The following KCNQ1 variants were observed in gnomAD, a reference collection of about 807,000 sequenced individuals.
KCNQ1 encodes the protein potassium voltage-gated channel subfamily Q member 1.
Under a neutral mutation model 72.4 loss-of-function variants are expected in KCNQ1, and 49 were observed. The ratio of observed to expected loss-of-function variants is 0.68; its 90% confidence interval spans 0.54 to 0.86. KCNQ1 has a LOEUF of 0.86. Ranked by LOEUF, KCNQ1 falls within the 40% of genes least tolerant of loss-of-function variation. KCNQ1 has a pLI of 0.00. For synonymous variants in KCNQ1, 450 were observed against 412.6 expected (o/e 1.09, Z -1.10); for missense variants, 790 against 945.1 (o/e 0.84, Z 2.15).
At chr11:2,597,262 CTG>C (rs1278875515) in intron 10 of KCNQ1, among the ~76,000 whole-genome samples, 1 of 152,178 alleles carries the variant, frequency 6.6e-6, no homozygotes, top group African/African-American at 2.4e-5. Context: ...ATACAAACCT[CTG>C]TGGAGATAAA....
intron 11 of KCNQ1, among the ~76,000 whole-genome samples, chr11:2,726,467 GA>G (rs1845765911): frequency 1.3e-5 from 2 of 151,888 alleles, no homozygotes; most frequent in African/African-American, 2.4e-5. Flanking sequence ...TCAGAGTGGG[GA>G]AACTGAGGCC....
chr11:2,623,637 C>G lies in KCNQ1; in HGVS notation c.1393+34783C>G, dbSNP rs1849211749. On this transcript the variant is annotated intron_variant, in intron 10 of 15. Coordinates refer to ENST00000155840, the MANE Select transcript of KCNQ1 (RefSeq NM_000218.3). This position sits in a 1 kb window ranked among gnomAD's most constrained non-coding sequence, Gnocchi z 5.2. Reference sequence around the variant, plus strand: ...TTAGTGATGAATAATATTTCATTGCCTGGATGTACTACAGTTTATCTGTCT... The same window carrying G: ...TTAGTGATGAATAATATTTCATTGCGTGGATGTACTACAGTTTATCTGTCT... 1 of 398,368 alleles carries G rather than the reference C, an allele frequency of 2.5e-6. No individual in the cohort carries two copies. 24.7% of individuals were successfully genotyped at this position (398,368 alleles called of 1,614,324 possible). A position where few individuals can be genotyped will look rare whatever the true frequency, so the allele number is the denominator to read the frequency against.
intron 11 of KCNQ1, among the ~76,000 whole-genome samples, chr11:2,747,112 C>T (rs1846153557): frequency 6.6e-6 from 1 of 152,164 alleles, no homozygotes; most frequent in Non-Finnish European, 1.5e-5. Context: ...CCAGCCTGGC[C>T]CATGGTGGAA....
Position 2,471,793 on chromosome 11 carries a change from C to G in KCNQ1, c.386+26309C>G, listed in dbSNP as rs1846470970. On this transcript the variant is annotated intron_variant, in intron 1 of 15. Transcript: ENST00000155840. This position sits in a 1 kb window ranked among gnomAD's most constrained non-coding sequence, Gnocchi z 4.8. ...GTGTGTGCATGTGATTGGGTGTGTG[C>G]ATGTGTATATAGGTGTGTGTGCACG... Among the ~76,000 whole-genome samples, 1 of 150,218 alleles carries G rather than the reference C, an allele frequency of 6.7e-6. No homozygotes were observed. The highest frequency in any genetic ancestry group is 1.5e-5 in the Non-Finnish European group (1 of 67,660).
In KCNQ1 at chr11:2,720,454, C is replaced by A. The variant is rs922165975; in HGVS notation, c.1515-48390C>A. On this transcript the variant is annotated intron_variant, in intron 11 of 15. Transcript: ENST00000155840. The surrounding 1 kb of genome is among the most constrained non-coding windows in gnomAD (Gnocchi z 5.1). Reference sequence around the variant, plus strand: ...GAGGAAGCTGCTGGCCTCAAGAAGGCCTCTCGAAGCAGAGGCAGCCCCCTC... The same window carrying A: ...GAGGAAGCTGCTGGCCTCAAGAAGGACTCTCGAAGCAGAGGCAGCCCCCTC... Among the ~76,000 whole-genome samples the A allele has an allele frequency of 6.6e-6, 1 of 152,128 alleles. No individual in the cohort carries two copies. Among genetic ancestry groups the A allele is most frequent in the African/African-American group, 2.4e-5 (1 of 41,434 alleles).
chr11:2,553,329 G>T (rs1170922199), intron 2 of KCNQ1, among the ~76,000 whole-genome samples: 1 of 152,136 alleles, frequency 6.6e-6, no homozygotes, highest in Non-Finnish European at 1.5e-5. Context: ...GGAGAGGGCT[G>T]CTATCCTTAT....
intron 1 of KCNQ1, among the ~76,000 whole-genome samples, chr11:2,503,620 A>G (rs548022714): frequency 5.3e-5 from 8 of 152,208 alleles, no homozygotes; most frequent in African/African-American, 1.4e-4. Flanking sequence ...CAGCACACCA[A>G]CATGGCACAT....
In KCNQ1 at chr11:2,660,722, C is replaced by G. The variant is rs1849937942; in HGVS notation, c.1394-1239C>G. 3 of 398,614 alleles carry G rather than the reference C, an allele frequency of 7.5e-6. No homozygotes were observed. The East Asian group carries it at 1.1e-4, about 14-fold the overall frequency. The allele number at this position is 398,614 out of a possible 1,614,324, so 24.7% of individuals were successfully genotyped here. On this transcript the variant is annotated intron_variant, in intron 10 of 15. Transcript: ENST00000155840. ...TGACAACCTTCATTCGGGCTTCATT[C>G]AACACTTCATTCAGGCATGGATGTG...
chr11:2,675,290 A>C (rs1028962483), intron 11 of KCNQ1: 1 of 398,538 alleles, frequency 2.5e-6, no homozygotes, highest in African/African-American at 2.1e-5. Flanking sequence ...CCAAAAGCAG[A>C]GTTTTGGCAA....
chr11:2,571,909 GA>G, intron 4 of KCNQ1, 103 bp from the exon 5 acceptor site: 2 of 915,436 alleles, frequency 2.2e-6, no homozygotes, highest in Non-Finnish European at 1.7e-6. Flanking sequence ...GGACGCCTGG[GA>G]GGGGCAGGGG....
In KCNQ1 at chr11:2,495,114, G is replaced by T. The variant is rs1037692398; in HGVS notation, c.387-32814G>T. Among the ~76,000 whole-genome samples, 4 of 152,172 alleles carry T rather than the reference G, an allele frequency of 2.6e-5. No homozygotes were observed. The highest frequency in any genetic ancestry group is 4.4e-5 in the Non-Finnish European group (3 of 68,036). On this transcript the variant is annotated intron_variant, in intron 1 of 15. Transcript: ENST00000155840. This position sits in a 1 kb window ranked among gnomAD's most constrained non-coding sequence, Gnocchi z 4.6. ...TTATCCATTTTTTCTAGATTTTCTA[G>T]TTTATTTGCATGGAGGTGTTTTTAG...
rs547037237 is a variant in KCNQ1, at chr11:2,569,865, G to T, written c.478-763G>T. 4.4e-3 allele frequency among the ~76,000 whole-genome samples: 664 copies of T among 152,326 alleles called. 3 individuals are homozygous for T. Among genetic ancestry groups the T allele is most frequent in the African/African-American group, 0.014 (566 of 41,568 alleles). ...CCAGCTTTCCACTTCTGTGCCTAGG[G>T]GGTGGGATCCAGCTCCGAGGGTCTT... On this transcript the variant is annotated intron_variant, in intron 2 of 15. Coordinates refer to ENST00000155840, the MANE Select transcript of KCNQ1 (RefSeq NM_000218.3).
At position 2,809,335 on chromosome 11, in the gene KCNQ1, C is replaced by G. The variant is rs11024175; in HGVS notation, c.1794+31298C>G. 6.6e-6 allele frequency among the ~76,000 whole-genome samples: 1 copy of G among 152,030 alleles called. No individual in the cohort carries two copies. Among genetic ancestry groups the G allele is most frequent in the African/African-American group, 2.4e-5 (1 of 41,362 alleles). On this transcript the variant is annotated intron_variant, in intron 15 of 15. Coordinates refer to ENST00000155840, the MANE Select transcript of KCNQ1 (RefSeq NM_000218.3). The surrounding 1 kb of genome is among the most constrained non-coding windows in gnomAD (Gnocchi z 7.1). ...ATAAAATGTGGGACGCTGGACTCAT[C>G]GTGGGTTTTTGCGGTCTTCTCTCAG...
rs919902791 is a variant in KCNQ1, at chr11:2,566,750, T to C, written c.478-3878T>C. 6.6e-6 allele frequency among the ~76,000 whole-genome samples: 1 copy of C among 152,132 alleles called. No homozygotes were observed. Among genetic ancestry groups the C allele is most frequent in the African/African-American group, 2.4e-5 (1 of 41,416 alleles). On this transcript the variant is annotated intron_variant, in intron 2 of 15. Coordinates refer to ENST00000155840, the MANE Select transcript of KCNQ1 (RefSeq NM_000218.3). The surrounding 1 kb of genome is among the most constrained non-coding windows in gnomAD (Gnocchi z 6.7). ...TCCATCAGCATCCCGGGCCATTGCATCCTTGACCCCGGGGGGCTTGCAGGC... is the reference window on the plus strand; with the variant it reads ...TCCATCAGCATCCCGGGCCATTGCACCCTTGACCCCGGGGGGCTTGCAGGC...
intron 10 of KCNQ1, chr11:2,629,774 GT>G: frequency 2.5e-6 from 1 of 398,244 alleles, no homozygotes. Context: ...TGCTGATTTT[GT>G]ATCCTGCCAC....
In KCNQ1 at chr11:2,481,734, C is replaced by T. The variant is rs1846654368; in HGVS notation, c.386+36250C>T. ...GCATGTGAGGGATCTAGGTTGCCTC[C>T]TCTTTATAAGAATCTAATGCCTGAT... is the stretch of plus-strand genomic sequence containing the variant. On this transcript the variant is annotated intron_variant, in intron 1 of 15. Coordinates refer to ENST00000155840, the MANE Select transcript of KCNQ1 (RefSeq NM_000218.3). The surrounding 1 kb of genome is among the most constrained non-coding windows in gnomAD (Gnocchi z 4.6). 6.6e-6 allele frequency among the ~76,000 whole-genome samples: 1 copy of T among 152,182 alleles called. No individual in the cohort carries two copies. The highest frequency in any genetic ancestry group is 1.5e-5 in the Non-Finnish European group (1 of 68,028).
In KCNQ1 at chr11:2,588,923, C is replaced by G; in HGVS notation, c.1393+69C>G. 2 of 1,557,618 alleles carry G rather than the reference C, an allele frequency of 1.3e-6. No homozygotes were observed. Among genetic ancestry groups the G allele is most frequent in the Non-Finnish European group, 1.7e-6 (2 of 1,145,510 alleles). ...TCACTGCCTTTTTTGGGAGCCCGAG[C>G]AAGCCAGTGAGTTTCTCCCTTGGGC... On this transcript the variant is annotated intron_variant, in intron 10 of 15. Coordinates refer to ENST00000155840, the MANE Select transcript of KCNQ1 (RefSeq NM_000218.3). The surrounding 1 kb of genome is among the most constrained non-coding windows in gnomAD (Gnocchi z 5.6).
intron 15 of KCNQ1, among the ~76,000 whole-genome samples, chr11:2,846,683 G>A (rs187756463): frequency 5.3e-5 from 8 of 152,358 alleles, no homozygotes; most frequent in African/African-American, 1.9e-4. Context: ...GGGCCTTCCA[G>A]TCTCCCCATC....
intron 11 of KCNQ1, chr11:2,693,264 A>T: frequency 2.5e-6 from 1 of 398,736 alleles, no homozygotes; most frequent in East Asian, 3.6e-5. Context: ...TACCAGGCTT[A>T]ACAACTCAGA....
Sources: gnomAD v4.1 joint callset for allele counts (sites outside exome capture counted in the v4.1 genomes callset) on GRCh38, gnomAD v4.1.1 for gene constraint, Gnocchi (gnomAD v3.1) non-coding constraint, MANE v1.5 for transcripts, NCBI Gene and HGNC (gene_info 2026-07-23, HGNC 2026-07-21) for gene names.